Variants in FAM171A1 observed in about 807,000 individuals in gnomAD.
FAM171A1 encodes the protein family with sequence similarity 171 member A1.
A neutral mutation model predicts 74.9 loss-of-function variants in FAM171A1; 23 were observed. That is an observed-to-expected ratio of 0.31 (90% CI 0.22 to 0.44). The LOEUF (loss-of-function observed/expected upper bound fraction) is 0.44. FAM171A1 is among the 20% of genes least tolerant of loss of function. FAM171A1 has a pLI of 1.00. For missense variants in FAM171A1, 1,162 were observed against 1,159.2 expected (o/e 1.00, Z -0.03); for synonymous variants, 527 against 505.7 (o/e 1.04, Z -0.57).
At chr10:15,372,300 G>A (rs949923671), upstream of FAM171A1, among the ~76,000 whole-genome samples, 1 of 152,126 alleles carries the variant, frequency 6.6e-6, no homozygotes, top group African/African-American at 2.4e-5. Context: ...AGGCTAAAGA[G>A]GGTTAAGGAA....
intron 3 of FAM171A1, among the ~76,000 whole-genome samples, chr10:15,260,156 A>G (rs1294904673): frequency 6.6e-6 from 1 of 151,978 alleles, no homozygotes; most frequent in African/African-American, 2.4e-5. Flanking sequence ...ATGCATCTCC[A>G]TGTCTGAAAC....
chr10:15,276,062 C>T, intron 2 of FAM171A1, 115 bp from the exon 3 acceptor site: 1 of 643,538 alleles, frequency 1.6e-6, no homozygotes, highest in Non-Finnish European at 2.6e-6. Context: ...TCAATTAATA[C>T]AATTAATTTT....
intron 1 of FAM171A1, among the ~76,000 whole-genome samples, chr10:15,304,871 G>A (rs1474491622): frequency 1.3e-5 from 2 of 152,134 alleles, no homozygotes; most frequent in Non-Finnish European, 2.9e-5. Context: ...CAAGTAGCTG[G>A]GATTCCAGGC....
chr10:15,309,658 A>G (rs752847809), intron 1 of FAM171A1, among the ~76,000 whole-genome samples: 6 of 152,266 alleles, frequency 3.9e-5, no homozygotes, highest in African/African-American at 9.6e-5. Context: ...GAAATACTCA[A>G]TAGCATGTGA....
upstream of FAM171A1, among the ~76,000 whole-genome samples, chr10:15,371,905 A>G (rs1836154744): frequency 6.6e-6 from 1 of 152,132 alleles, no homozygotes; most frequent in South Asian, 2.1e-4. Context: ...AGTCGGGGAG[A>G]AAGGTTGGGT....
At chr10:15,254,301 T>C (rs953983653) in intron 4 of FAM171A1, among the ~76,000 whole-genome samples, 3 of 152,026 alleles carry the variant, frequency 2.0e-5, no homozygotes, top group African/African-American at 7.2e-5. Flanking sequence ...GTGGTAAGTC[T>C]CTACCAGCCC....
chr10:15,355,150 T>C (rs1329615402), intron 1 of FAM171A1, among the ~76,000 whole-genome samples: 1 of 152,244 alleles, frequency 6.6e-6, no homozygotes. Context: ...AGTGGCAGAA[T>C]CATGGTTCAC....
intron 1 of FAM171A1, among the ~76,000 whole-genome samples, chr10:15,289,399 C>A (rs149004393): frequency 6.6e-6 from 1 of 152,282 alleles, no homozygotes; most frequent in African/African-American, 2.4e-5. Flanking sequence ...CTGCACAAAA[C>A]CCAGACTGGG....
chr10:15,367,882 C>T (rs1836085759), intron 1 of FAM171A1, among the ~76,000 whole-genome samples: 1 of 152,210 alleles, frequency 6.6e-6, no homozygotes, highest in South Asian at 2.1e-4. Flanking sequence ...TCTGACCTTC[C>T]TTTTGGCACA....
intron 3 of FAM171A1, among the ~76,000 whole-genome samples, chr10:15,262,365 T>C (rs1834669231): frequency 6.6e-6 from 1 of 152,036 alleles, no homozygotes. Flanking sequence ...AAAAGGCAGC[T>C]GGAGTGGAAA....
At chr10:15,265,466 T>C (rs1285680581) in intron 3 of FAM171A1, among the ~76,000 whole-genome samples, 1 of 147,492 alleles carries the variant, frequency 6.8e-6, no homozygotes, top group East Asian at 2.0e-4. Context: ...TACAAAAAAA[T>C]TGGCCAGACT....
At position 15,252,199 on chromosome 10, in the gene FAM171A1, G is replaced by A. The variant is rs184896711; in HGVS notation, c.577+2522C>T. On this transcript the variant is annotated intron_variant, in intron 4 of 7. Transcript: ENST00000378116. ...CTGGGGGAAGAGTGCGATGCTCTCC[G>A]GTGAGAGGAGGGGGCCCCCAAGAGC... is the stretch of plus-strand genomic sequence containing the variant. 2.2e-4 allele frequency among the ~76,000 whole-genome samples: 33 copies of A among 152,214 alleles called. No homozygotes were observed. In the East Asian group the frequency reaches 5.8e-3, roughly 27 times the overall value.
intron 5 of FAM171A1, among the ~76,000 whole-genome samples, chr10:15,227,015 T>C (rs1260704987): frequency 6.6e-6 from 1 of 152,140 alleles, no homozygotes; most frequent in African/African-American, 2.4e-5. Context: ...ATATATTTCT[T>C]TTTAGACAGA....
chr10:15,221,018 C>T lies in FAM171A1; in HGVS notation c.797G>A (p.Gly266Asp). The T allele has an allele frequency of 1.2e-6, 2 of 1,614,190 alleles. No individual in the cohort carries two copies. The highest frequency in any genetic ancestry group is 1.7e-6 in the Non-Finnish European group (2 of 1,180,036). ...AATGTATGTCCACGTCAGCTGGCTGCCTTCCTGGTGCACAAGACCCAGACC... is the reference window on the plus strand; with the variant it reads ...AATGTATGTCCACGTCAGCTGGCTGTCTTCCTGGTGCACAAGACCCAGACC... ...KSGLGLVHQE[G>D]SQLTWTYIAP... The change falls in exon 6 of 8, where the codon GGC becomes GAC. Residue 266 changes from glycine to aspartate, a missense_variant. Physicochemically the swap from Gly to Asp is moderately conservative, Grantham distance 94 (BLOSUM62 -1). Coordinates refer to ENST00000378116, the MANE Select transcript of FAM171A1 (RefSeq NM_001010924.2).
At chr10:15,341,720 A>G (rs1325315120) in intron 1 of FAM171A1, among the ~76,000 whole-genome samples, 1 of 152,232 alleles carries the variant, frequency 6.6e-6, no homozygotes, top group Non-Finnish European at 1.5e-5. Flanking sequence ...GCTGGAGATA[A>G]GCCTGCAGGG....
At chr10:15,293,250 G>A (rs79855001) in intron 1 of FAM171A1, among the ~76,000 whole-genome samples, 1,755 of 152,250 alleles carry the variant, frequency 0.012, 35 homozygotes, top group African/African-American at 0.04. Flanking sequence ...CATGGCCTAA[G>A]TATTCCTGGT....
At chr10:15,312,673 GTTTTTTTTTTTTTTTTTTTTTTTTTT>G (rs1169098742) in intron 1 of FAM171A1, among the ~76,000 whole-genome samples, 11 of 36,402 alleles carry the variant, frequency 3.0e-4, no homozygotes, top group Admixed American at 1.9e-3. Context: ...AGCACTGTGT[GTTTTTTTTTTTTTTTTTTTTTTTTTT>G]TTTTTTTTTT....
upstream of FAM171A1, among the ~76,000 whole-genome samples, chr10:15,374,413 AC>A (rs1836180337): frequency 6.6e-6 from 1 of 152,178 alleles, no homozygotes; most frequent in African/African-American, 2.4e-5. Flanking sequence ...CTGCTACATC[AC>A]TCAAATTAAC....
rs549666573 is a variant in FAM171A1 at position 15,248,429 on chromosome 10, A to G, written c.754+210T>C. ...GGTTAAATGTGCAAAACAAAAACAA[A>G]TATGAAAACTAACAAAAAATGAGTT... On this transcript the variant is annotated intron_variant, in intron 5 of 7. Coordinates refer to ENST00000378116, the MANE Select transcript of FAM171A1 (RefSeq NM_001010924.2). Among the ~76,000 whole-genome samples, 21 of 152,324 alleles carry G rather than the reference A, an allele frequency of 1.4e-4. No homozygotes were observed. In the South Asian group the frequency reaches 4.4e-3, roughly 32 times the overall value.
Sources: gnomAD v4.1 joint callset for allele counts (sites outside exome capture counted in the v4.1 genomes callset) on GRCh38, gnomAD v4.1.1 for gene constraint, MANE v1.5 for transcripts, NCBI Gene and HGNC (gene_info 2026-07-23, HGNC 2026-07-21) for gene names.